Variants in WIZ observed in about 807,000 individuals in gnomAD.
WIZ encodes the protein protein Wiz.
WIZ carries 25 observed loss-of-function variants against 140.2 expected under a neutral mutation model. The observed-to-expected ratio is 0.18, with a 90% confidence interval of 0.13 to 0.25. WIZ has a LOEUF of 0.25. Among genes scored for constraint, WIZ ranks in the 10% least tolerant of loss-of-function variants. The pLI is 1.00. For synonymous variants in WIZ, 1,125 were observed against 1,154.3 expected (o/e 0.97, Z 0.51); for missense variants, 2,231 against 2,632.6 (o/e 0.85, Z 3.34).
In WIZ at chr19:15,425,541, G is replaced by C. The variant is rs756122285; in HGVS notation, c.4594C>G (p.Leu1532Val). The C allele has an allele frequency of 3.1e-6, 5 of 1,612,358 alleles. No individual in the cohort carries two copies. In the South Asian group the frequency reaches 5.5e-5, roughly 18 times the overall value. Residue 1532 changes from leucine to valine, a missense_variant, in exon 10 of 13, where the codon CTG becomes GTG. Around this residue, in one of 15 missense-constraint regions of WIZ, gnomAD observed 393 missense variants for 451.7 expected, o/e 0.87. Coordinates refer to ENST00000673675, the MANE Select transcript of WIZ (RefSeq NM_001371589.1). ...EPPAGDLAPA[L>V]AEDGPPTVAP... ...ACGGTGGGAGGCCCGTCCTCAGCCA[G>C]GGCAGGGGCCAGGTCTCCAGCCGGT...
chr19:15,428,554 C>G lies in WIZ; in HGVS notation c.3416-46G>C, dbSNP rs757334972. Reference sequence around the variant, plus strand: ...GGGGGTTCACGGCCGCCACCTTGGCCGGCCTTGGGGGCCTGAGGTAGGAGG... The same window carrying G: ...GGGGGTTCACGGCCGCCACCTTGGCGGGCCTTGGGGGCCTGAGGTAGGAGG... On this transcript the variant is annotated intron_variant, in intron 7 of 12. Transcript: ENST00000673675. This position sits in a 1 kb window ranked among gnomAD's most constrained non-coding sequence, Gnocchi z 6.4. 2 of 1,534,794 alleles carry G rather than the reference C, an allele frequency of 1.3e-6. No individual in the cohort carries two copies. The highest frequency in any genetic ancestry group is 2.4e-5 in the South Asian group (2 of 83,942).
chr19:15,424,348 T>C lies in WIZ; in HGVS notation c.5345A>G (p.Asp1782Gly), dbSNP rs2145199938. 6.2e-7 allele frequency: 1 copy of C among 1,602,118 alleles called. No homozygotes were observed. The highest frequency in any genetic ancestry group is 1.1e-5 in the South Asian group (1 of 90,036). Residue 1782 changes from aspartate (D) to glycine (G), a missense_variant, in exon 12 of 13, where the codon GAT becomes GGT. By Grantham distance (94) the Asp-to-Gly change is moderately conservative. Transcript: ENST00000673675. The surrounding 1 kb of genome is among the most constrained non-coding windows in gnomAD (Gnocchi z 9.7). Reference protein sequence around the residue: ...KFERRQARPPDASAARGGEDT... With the variant: ...KFERRQARPPGASAARGGEDT... ...CTCGCCTCCCCGGGCTGCGGAGGCA[T>C]CTGGAGGGCGGGCTTGTCGGCGTTC...
intron 4 of WIZ, among the ~76,000 whole-genome samples, chr19:15,437,765 C>T (rs1189164945): frequency 6.6e-6 from 1 of 152,232 alleles, no homozygotes; most frequent in Non-Finnish European, 1.5e-5. Flanking sequence ...CTCATGATCA[C>T]GCAAGTGCTG....
At position 15,437,098 on chromosome 19, in the gene WIZ, C is replaced by T; in HGVS notation, c.2448G>A (p.Leu816=). ...CAGCCCCGCAGAAGTCACAGCGCAT[C>T]AGGCTGAAGGTGCCTGGGTCAAAGT... ...VANFDPGTFS[L]MRCDFCGAGF... The change falls in exon 5 of 13, where the codon CTG becomes CTA. Residue 816 remains leucine, a synonymous_variant. Transcript: ENST00000673675. The T allele has an allele frequency of 6.2e-7, 1 of 1,610,276 alleles. No homozygotes were observed. The highest frequency in any genetic ancestry group is 8.5e-7 in the Non-Finnish European group (1 of 1,178,396).
rs1017327707 is a variant in WIZ at position 15,442,877 on chromosome 19, G to C, written c.206-129C>G. The C allele has an allele frequency of 1.3e-5, 6 of 468,962 alleles. No individual in the cohort carries two copies. The highest frequency in any genetic ancestry group is 2.1e-5 in the Non-Finnish European group (6 of 291,074). The allele number at this position is 468,962 out of a possible 1,614,324, so 29.1% of individuals were successfully genotyped here. A position where few individuals can be genotyped will look rare whatever the true frequency, so the allele number is the denominator to read the frequency against. ...TGGCTCCCAGTTCCTCTCCCTGAGA[G>C]GCCCGTGGCCTCTGTGGTCCTGAGC... On this transcript the variant is annotated intron_variant, in intron 2 of 12. Transcript: ENST00000673675. This position sits in a 1 kb window ranked among gnomAD's most constrained non-coding sequence, Gnocchi z 5.5.
At position 15,424,466 on chromosome 19, in the gene WIZ, C is replaced by CTGGATGGGTGGGATGGGGGA. The variant is rs1968586109; in HGVS notation, c.5315-108_5315-89dup. On this transcript the variant is annotated intron_variant, in intron 11 of 12. Transcript: ENST00000673675. The surrounding 1 kb of genome is among the most constrained non-coding windows in gnomAD (Gnocchi z 9.7). ...CACAAGAGCTGAGGACTGATGCTAC[C>CTGGATGGGTGGGATGGGGGA]TGGATGGGTGGGATGGGGGATGGAT... The CTGGATGGGTGGGATGGGGGA allele has an allele frequency of 1.3e-6, 2 of 1,542,448 alleles. No homozygotes were observed. The highest frequency in any genetic ancestry group is 4.0e-5 in the Admixed American group (2 of 49,648).
At position 15,440,247 on chromosome 19, in the gene WIZ, C is replaced by T. The variant is rs116592796; in HGVS notation, c.747G>A (p.Pro249=). Residue 249 remains proline, a synonymous_variant, in exon 4 of 13, where the codon CCG becomes CCA. Coordinates refer to ENST00000673675, the MANE Select transcript of WIZ (RefSeq NM_001371589.1). The surrounding 1 kb of genome is among the most constrained non-coding windows in gnomAD (Gnocchi z 6.2). ...DLEDLEGLAQ[P]SEWGLPTSAS... ...CTGACGTGGGTAGGCCCCACTCGGA[C>T]GGCTGGGCCAGCCCCTCCAGGTCCT... 3.9e-4 allele frequency: 584 copies of T among 1,493,376 alleles called. 1 individual carries two copies. The African/African-American group carries it at 4.1e-3, about 11-fold the overall frequency. 92.5% of individuals were successfully genotyped at this position (1,493,376 alleles called of 1,614,324 possible).
intron 5 of WIZ, chr19:15,433,268 C>G (rs963857158): frequency 7.1e-6 from 7 of 985,510 alleles, no homozygotes; most frequent in Non-Finnish European, 7.2e-6. Flanking sequence ...GCCGGCAACA[C>G]ATTTCAATCA....
In WIZ at chr19:15,428,478, T is replaced by C. The variant is rs1415352265; in HGVS notation, c.3446A>G (p.Asp1149Gly). ...AAACCAGGCACCGCACAGCTGGCAG[T>C]CCAGCTCTCTGCCCCCGTCACTATC... is the stretch of plus-strand genomic sequence containing the variant. ...TLDSDGGRELDCQLCGAWFET... is the reference protein window; with the variant it reads ...TLDSDGGRELGCQLCGAWFET... Residue 1149 changes from aspartate (D) to glycine (G), a missense_variant, in exon 8 of 13, where the codon GAC becomes GGC. By Grantham distance (94) the Asp-to-Gly change is moderately conservative (BLOSUM62 -1). Around this residue, in one of 15 missense-constraint regions of WIZ, gnomAD observed 39 missense variants for 74.9 expected, o/e 0.52. Transcript: ENST00000673675. This position sits in a 1 kb window ranked among gnomAD's most constrained non-coding sequence, Gnocchi z 6.4. 1 of 1,535,460 alleles carries C rather than the reference T, an allele frequency of 6.5e-7. No homozygotes were observed. The highest frequency in any genetic ancestry group is 8.7e-7 in the Non-Finnish European group (1 of 1,146,802).
rs1322042359 is a variant in WIZ, at chr19:15,440,445, C to A, written c.549G>T (p.Arg183Ser). Residue 183 changes from arginine (R) to serine (S), a missense_variant, in exon 4 of 13, where the codon AGG becomes AGT. Physicochemically the swap from Arg to Ser is moderately radical, Grantham distance 110. Transcript: ENST00000673675. This position sits in a 1 kb window ranked among gnomAD's most constrained non-coding sequence, Gnocchi z 6.2. ...LLEKHAQGRP[R>S]FDWLQDEDEQ... Reference sequence around the variant, plus strand: ...CGTCCTCATCTTGGAGCCAGTCGAACCTGGGGCGGCCCTGGGCATGTTTCT... The same window carrying A: ...CGTCCTCATCTTGGAGCCAGTCGAAACTGGGGCGGCCCTGGGCATGTTTCT... 1 of 1,536,106 alleles carries A rather than the reference C, an allele frequency of 6.5e-7. No individual in the cohort carries two copies. Among genetic ancestry groups the A allele is most frequent in the Non-Finnish European group, 8.7e-7 (1 of 1,146,882 alleles).
At position 15,440,364 on chromosome 19, in the gene WIZ, T is replaced by G. The variant is rs1156901968; in HGVS notation, c.630A>C (p.Pro210=). Residue 210 remains proline, a synonymous_variant, in exon 4 of 13, where the codon CCA becomes CCC. Coordinates refer to ENST00000673675, the MANE Select transcript of WIZ (RefSeq NM_001371589.1). The surrounding 1 kb of genome is among the most constrained non-coding windows in gnomAD (Gnocchi z 6.2). ...GLHLDLPAQP[P]PLAPFRRVFV... ...ACACCCTCCTGAAGGGGGCGAGGGG[T>G]GGCGGCTGGGCAGGCAGGTCCAAGT... 18 of 1,530,346 alleles carry G rather than the reference T, an allele frequency of 1.2e-5. No individual in the cohort carries two copies. In the East Asian group the frequency reaches 3.9e-4, roughly 33 times the overall value. 94.8% of individuals were successfully genotyped at this position (1,530,346 alleles called of 1,614,324 possible). A position where few individuals can be genotyped will look rare whatever the true frequency, so the allele number is the denominator to read the frequency against.
intron 5 of WIZ, among the ~76,000 whole-genome samples, chr19:15,433,602 C>T (rs547624470): frequency 6.6e-6 from 1 of 152,232 alleles, no homozygotes; most frequent in Non-Finnish European, 1.5e-5. Flanking sequence ...CCTGGCTCCT[C>T]TCATCCGTAG....
intron 9 of WIZ, 105 bp downstream of exon 9, chr19:15,426,877 T>TAGA: frequency 9.5e-6 from 13 of 1,369,304 alleles, no homozygotes; most frequent in South Asian, 2.8e-5. Context: ...TACCTGCGTG[T>TAGA]CCTCCCTTCC....
In WIZ at chr19:15,436,872, G is replaced by A. The variant is rs766856285; in HGVS notation, c.2674C>T (p.Arg892Cys). 8.1e-6 allele frequency: 13 copies of A among 1,612,550 alleles called. No individual in the cohort carries two copies. The highest frequency in any genetic ancestry group is 2.2e-5 in the East Asian group (1 of 44,834). ...GGAAAGGGCACCGTGAGAGGTAAGC[G>A]GGGCCGACGGGAGGTCAGGAAGCTG... ...PGSFLTSRRP[R>C]LPLTVPFPPT... Residue 892 changes from arginine to cysteine, a missense_variant, in exon 5 of 13, where the codon CGC (arginine) becomes TGC (cysteine). Around this residue, in one of 15 missense-constraint regions of WIZ, gnomAD observed 137 missense variants for 135.8 expected, o/e 1.01. Transcript: ENST00000673675.
At chr19:15,425,792 G>A (rs1239893606) in intron 9 of WIZ, 24 bp from the exon 10 acceptor site, 1 of 1,327,738 alleles carries the variant, frequency 7.5e-7, no homozygotes, top group Admixed American at 2.8e-5. Context: ...AGGGTAGGGG[G>A]AAGGAGGAGG....
In WIZ at chr19:15,440,810, GC is replaced by G. The variant is rs966273169; in HGVS notation, c.279-96del. The G allele has an allele frequency of 7.8e-6, 10 of 1,281,564 alleles. No homozygotes were observed. Among genetic ancestry groups the G allele is most frequent in the Non-Finnish European group, 1.0e-5 (10 of 964,170 alleles). 79.4% of individuals were successfully genotyped at this position (1,281,564 alleles called of 1,614,324 possible). ...GGTCCTCCCAGGCCGTTTGAAGCAG[GC>G]CCCGGAGATCCAGCCCGAGGGTGAC... is the stretch of plus-strand genomic sequence containing the variant. On this transcript the variant is annotated intron_variant, in intron 3 of 12. Transcript: ENST00000673675. This position sits in a 1 kb window ranked among gnomAD's most constrained non-coding sequence, Gnocchi z 6.2.
chr19:15,428,206 C>G lies in WIZ; in HGVS notation c.3718G>C (p.Gly1240Arg), dbSNP rs1432855071. 1 of 1,533,892 alleles carries G rather than the reference C, an allele frequency of 6.5e-7. No homozygotes were observed. The highest frequency in any genetic ancestry group is 2.4e-5 in the East Asian group (1 of 40,902). ...PAKKAKLKAA[G>R]MASPWGKQDL... Reference sequence around the variant, plus strand: ...TGCTTCCCCCAGGGGCTGGCCATACCCGCGGCCTTCAGCTTGGCCTTCTTG... The same window carrying G: ...TGCTTCCCCCAGGGGCTGGCCATACGCGCGGCCTTCAGCTTGGCCTTCTTG... Residue 1240 changes from glycine to arginine, a missense_variant, in exon 8 of 13, where the codon GGT becomes CGT. Transcript: ENST00000673675. The surrounding 1 kb of genome is among the most constrained non-coding windows in gnomAD (Gnocchi z 6.4).
chr19:15,425,520 T>C lies in WIZ; in HGVS notation c.4615A>G (p.Thr1539Ala). ...GACTGCACGGGCCCAGGGGCCACGG[T>C]GGGAGGCCCGTCCTCAGCCAGGGCA... The part of the protein sequence containing the change: ...APALAEDGPP[T>A]VAPGPVQSPL... Residue 1539 changes from threonine to alanine, a missense_variant, in exon 10 of 13, where the codon ACC becomes GCC. Thr to Ala is a moderately conservative substitution (Grantham distance 58, BLOSUM62 0). Transcript: ENST00000673675. The C allele has an allele frequency of 6.2e-7, 1 of 1,611,202 alleles. No individual in the cohort carries two copies. Among genetic ancestry groups the C allele is most frequent in the South Asian group, 1.1e-5 (1 of 90,960 alleles).
In WIZ at chr19:15,440,907, G is replaced by A. The variant is rs1192387271; in HGVS notation, c.279-192C>T. Among the ~76,000 whole-genome samples the A allele has an allele frequency of 1.3e-5, 2 of 152,108 alleles. No individual in the cohort carries two copies. The highest frequency in any genetic ancestry group is 2.9e-5 in the Non-Finnish European group (2 of 67,984). Reference sequence around the variant, plus strand: ...TCCTTCCGGACCTATCGGGTCAAAAGCCAGGTTCAACTCCTAGGATGCACC... The same window carrying A: ...TCCTTCCGGACCTATCGGGTCAAAAACCAGGTTCAACTCCTAGGATGCACC... On this transcript the variant is annotated intron_variant, in intron 3 of 12. Coordinates refer to ENST00000673675, the MANE Select transcript of WIZ (RefSeq NM_001371589.1). The surrounding 1 kb of genome is among the most constrained non-coding windows in gnomAD (Gnocchi z 6.2).
Sources: allele counts gnomAD v4.1 joint callset (sites outside exome capture counted in the v4.1 genomes callset), GRCh38; gene constraint gnomAD v4.1.1; regional missense constraint gnomAD v4.1.1; non-coding constraint Gnocchi (gnomAD v3.1); transcripts MANE v1.5; gene names NCBI Gene and HGNC (gene_info 2026-07-23, HGNC 2026-07-21).